The following CDIN1 variants were observed in gnomAD, a reference collection of about 807,000 sequenced individuals.
CDIN1 encodes CDAN1 interacting nuclease 1, also known as CDAN1-interacting nuclease 1.
A neutral mutation model predicts 45.3 loss-of-function variants in CDIN1; 33 were observed. That is an observed-to-expected ratio of 0.73 (90% CI 0.55 to 0.97). The LOEUF is 0.97. Among genes scored for constraint, CDIN1 ranks in the 50% least tolerant of loss-of-function variants. CDIN1 has a pLI of 0.00. For missense variants in CDIN1, 303 were observed against 339.4 expected (o/e 0.89, Z 0.84); for synonymous variants, 118 against 124.4 (o/e 0.95, Z 0.34).
chr15:36,613,922 A>G, intron 1 of CDIN1: 1 of 1,550,736 alleles, frequency 6.4e-7, no homozygotes. Flanking sequence ...GAGCTGGCAG[A>G]GCCCCATTGC....
At chr15:36,749,181 G>A (rs1214063024) in intron 10 of CDIN1, among the ~76,000 whole-genome samples, 1 of 152,134 alleles carries the variant, frequency 6.6e-6, no homozygotes, top group Non-Finnish European at 1.5e-5. Context: ...GTTATTGGTT[G>A]TCTTAGACCA....
intron 5 of CDIN1, chr15:36,691,022 T>A (rs961713511): frequency 7.9e-5 from 31 of 394,370 alleles, no homozygotes; most frequent in South Asian, 6.4e-4. Flanking sequence ...ATTTGCAAGT[T>A]GAGGCATATT....
chr15:36,703,291 C>T (rs1418669397), intron 8 of CDIN1, among the ~76,000 whole-genome samples: 2 of 83,142 alleles, frequency 2.4e-5, no homozygotes, highest in Non-Finnish European at 4.5e-5. Flanking sequence ...CAGATATATA[C>T]ATATATCAGA....
In CDIN1 at chr15:36,690,559, C is replaced by T. The variant is rs143401960; in HGVS notation, c.347-1126C>T. ...CTGGGATTACAGACGTGAGCCACCG[C>T]GCCTGGCCACTAACATTTATCTTAT... On this transcript the variant is annotated intron_variant, in intron 5 of 10. Transcript: ENST00000566621. Among the ~76,000 whole-genome samples the T allele has an allele frequency of 2.3e-3, 349 of 152,202 alleles. 3 individuals are homozygous for T. Among genetic ancestry groups the T allele is most frequent in the African/African-American group, 7.9e-3 (329 of 41,534 alleles).
At chr15:36,620,343 T>C (rs866149125) in intron 1 of CDIN1, among the ~76,000 whole-genome samples, 4 of 151,808 alleles carry the variant, frequency 2.6e-5, no homozygotes, top group Admixed American at 6.6e-5. Context: ...AAAGCGAAAC[T>C]CTGTCTCAAA....
chr15:36,743,607 G>T (rs1706181221), intron 10 of CDIN1, among the ~76,000 whole-genome samples: 1 of 152,034 alleles, frequency 6.6e-6, no homozygotes, highest in Non-Finnish European at 1.5e-5. Flanking sequence ...AAACCATGAG[G>T]CAGGCCAGGT....
chr15:36,622,603 G>T (rs1386935281), intron 1 of CDIN1, among the ~76,000 whole-genome samples: 3 of 152,192 alleles, frequency 2.0e-5, no homozygotes, highest in Non-Finnish European at 4.4e-5. Flanking sequence ...CACCTCAGGG[G>T]CCTGTGGTTA....
intron 10 of CDIN1, among the ~76,000 whole-genome samples, chr15:36,762,852 A>T (rs976214632): frequency 6.6e-6 from 1 of 152,104 alleles, no homozygotes; most frequent in African/African-American, 2.4e-5. Context: ...ATAGTATTCC[A>T]TGGTGTATAT....
chr15:36,801,674 C>G (rs1447210744), intron 10 of CDIN1, among the ~76,000 whole-genome samples: 1 of 152,196 alleles, frequency 6.6e-6, no homozygotes, highest in Non-Finnish European at 1.5e-5. Context: ...TGCCCCATAA[C>G]TTCTGAACCC....
intron 1 of CDIN1, among the ~76,000 whole-genome samples, chr15:36,636,857 A>G (rs1165847352): frequency 6.6e-6 from 1 of 152,264 alleles, no homozygotes; most frequent in Non-Finnish European, 1.5e-5. Context: ...TTCTAGAGTG[A>G]TTATTAAAAG....
chr15:36,696,677 G>T (rs1299063971), intron 7 of CDIN1, among the ~76,000 whole-genome samples: 1 of 152,144 alleles, frequency 6.6e-6, no homozygotes, highest in Non-Finnish European at 1.5e-5. Context: ...AGTGGCTGGG[G>T]TTATAGGCGC....
At chr15:36,657,941 C>T in intron 5 of CDIN1, 36 bp downstream of exon 5, 3 of 1,510,768 alleles carry the variant, frequency 2.0e-6, no homozygotes, top group Admixed American at 1.8e-5. Flanking sequence ...TACTCTTTTA[C>T]TCCCTTCCCC....
intron 10 of CDIN1, among the ~76,000 whole-genome samples, chr15:36,739,586 C>T (rs984597680): frequency 1.3e-5 from 2 of 152,140 alleles, no homozygotes; most frequent in African/African-American, 4.8e-5. Context: ...GTTTGGAGAT[C>T]GTGTTACAAT....
chr15:36,785,304 C>T (rs1024298580), intron 10 of CDIN1, among the ~76,000 whole-genome samples: 3 of 152,118 alleles, frequency 2.0e-5, no homozygotes, highest in African/African-American at 2.4e-5. Flanking sequence ...AGTGATGATA[C>T]CATATTTCAA....
intron 10 of CDIN1, among the ~76,000 whole-genome samples, chr15:36,765,960 C>T (rs2053913188): frequency 1.3e-5 from 2 of 152,116 alleles, no homozygotes; most frequent in Admixed American, 6.5e-5. Context: ...TTTAAGTGCT[C>T]AATACCATAT....
chr15:36,663,494 AC>A (rs1264283467), intron 5 of CDIN1, among the ~76,000 whole-genome samples: 1 of 151,994 alleles, frequency 6.6e-6, no homozygotes, highest in Non-Finnish European at 1.5e-5. Context: ...GGGGGCGGTT[AC>A]CCCCATGCTT....
chr15:36,583,190 C>G (rs1197342234), intron 1 of CDIN1, among the ~76,000 whole-genome samples: 2 of 151,392 alleles, frequency 1.3e-5, no homozygotes, highest in Non-Finnish European at 2.9e-5. Context: ...AAGTTCTTTT[C>G]TGTCCTAATA....
intron 1 of CDIN1, among the ~76,000 whole-genome samples, chr15:36,630,974 C>T (rs879406107): frequency 6.6e-6 from 1 of 152,182 alleles, no homozygotes; most frequent in Non-Finnish European, 1.5e-5. Context: ...TCCCATTAGG[C>T]CCCACCTTCA....
chr15:36,702,272 G>A, intron 8 of CDIN1: 1 of 632,932 alleles, frequency 1.6e-6, no homozygotes, highest in Admixed American at 2.3e-5. Context: ...TTTGGGCTCT[G>A]TTCTCCCCTT....
Sources: gnomAD v4.1 joint callset for allele counts (sites outside exome capture counted in the v4.1 genomes callset) on GRCh38, gnomAD v4.1.1 for gene constraint, MANE v1.5 for transcripts, NCBI Gene and HGNC (gene_info 2026-07-23, HGNC 2026-07-21) for gene names.